Variants in ARHGAP24 observed in about 807,000 individuals in gnomAD.
ARHGAP24 encodes Rho GTPase activating protein 24, also known as rho GTPase-activating protein 24.
A neutral mutation model predicts 76.4 loss-of-function variants in ARHGAP24; 50 were observed. The ratio of observed to expected loss-of-function variants is 0.65; its 90% CI spans 0.52 to 0.83. The LOEUF (loss-of-function observed/expected upper bound fraction) is 0.83. ARHGAP24 is among the 40% of genes least tolerant of loss of function. ARHGAP24 has a pLI of 0.00. For missense variants in ARHGAP24, 930 were observed against 914.2 expected, an observed-to-expected ratio of 1.02 and a Z score of -0.22; for synonymous variants, 345 against 323.3, an observed-to-expected ratio of 1.07 and a Z score of -0.72.
At chr4:85,502,686 C>T (rs1723869910) in intron 1 of ARHGAP24, among the ~76,000 whole-genome samples, 1 of 152,154 alleles carries the variant, frequency 6.6e-6, no homozygotes, top group African/African-American at 2.4e-5. Context: ...TTGACTTCCT[C>T]TTTTCCTAAT....
chr4:85,813,818 T>TTATATATATATATATATATA (rs35261368), intron 3 of ARHGAP24, among the ~76,000 whole-genome samples: 32 of 137,138 alleles, frequency 2.3e-4, no homozygotes, highest in African/African-American at 8.6e-4. Context: ...TATATTTATT[T>TTATATATATATATATATATA]TATATATATA....
chr4:85,593,509 T>C (rs974164855), intron 2 of ARHGAP24, among the ~76,000 whole-genome samples: 1 of 152,184 alleles, frequency 6.6e-6, no homozygotes, highest in South Asian at 2.1e-4. Flanking sequence ...CCTTGTGGGA[T>C]ACTACTCAAG....
At chr4:85,886,519 C>T (rs1733576907) in intron 3 of ARHGAP24, among the ~76,000 whole-genome samples, 1 of 152,030 alleles carries the variant, frequency 6.6e-6, no homozygotes, top group African/African-American at 2.4e-5. Flanking sequence ...ATGGAATCAC[C>T]ACTAAAATAA....
intron 2 of ARHGAP24, among the ~76,000 whole-genome samples, chr4:85,685,619 C>T (rs184796326): frequency 2.4e-5 from 3 of 125,942 alleles, no homozygotes; most frequent in African/African-American, 8.3e-5. Flanking sequence ...GGCGACAGAG[C>T]GAGACTCTGT....
At chr4:85,558,460 A>T (rs1453547479) in intron 1 of ARHGAP24, among the ~76,000 whole-genome samples, 1 of 152,200 alleles carries the variant, frequency 6.6e-6, no homozygotes, top group Non-Finnish European at 1.5e-5. Context: ...AATATGTTCA[A>T]ATTATATGTG....
intron 5 of ARHGAP24, among the ~76,000 whole-genome samples, chr4:85,966,070 T>A (rs1045191020): frequency 6.6e-6 from 1 of 152,146 alleles, no homozygotes; most frequent in Non-Finnish European, 1.5e-5. Flanking sequence ...ATGGTTGTGC[T>A]CTGGTGAAGG....
chr4:85,568,504 A>T, intron 1 of ARHGAP24, among the ~76,000 whole-genome samples: 1 of 152,138 alleles, frequency 6.6e-6, no homozygotes, highest in Non-Finnish European at 1.5e-5. Flanking sequence ...TTATTATCTA[A>T]ATTACCTTAC....
At chr4:85,831,043 A>ATGGGTGGGTGATAT (rs1729970698) in intron 3 of ARHGAP24, among the ~76,000 whole-genome samples, 1 of 152,228 alleles carries the variant, frequency 6.6e-6, no homozygotes, top group Non-Finnish European at 1.5e-5. Flanking sequence ...GGTACCCACT[A>ATGGGTGGGTGATAT]AAGTCATTAT....
chr4:85,854,147 AAAAAAAAAG>A (rs1373217281), intron 3 of ARHGAP24, among the ~76,000 whole-genome samples: 1 of 151,062 alleles, frequency 6.6e-6, no homozygotes, highest in Non-Finnish European at 1.5e-5. Context: ...AAAAAAAAAA[AAAAAAAAAG>A]AAAAAAAAGG....
At chr4:85,958,122 A>T (rs1243149826) in intron 5 of ARHGAP24, among the ~76,000 whole-genome samples, 1 of 152,212 alleles carries the variant, frequency 6.6e-6, no homozygotes, top group Non-Finnish European at 1.5e-5. Context: ...GGCTTCCATG[A>T]CAGAAAAATG....
At chr4:85,582,463 TG>T (rs1727654619) in intron 2 of ARHGAP24, among the ~76,000 whole-genome samples, 1 of 152,264 alleles carries the variant, frequency 6.6e-6, no homozygotes, top group African/African-American at 2.4e-5. Flanking sequence ...ACAATCAGAC[TG>T]CTCCCTTTAA....
intron 5 of ARHGAP24, among the ~76,000 whole-genome samples, chr4:85,969,495 T>A (rs1399847141): frequency 6.6e-6 from 1 of 152,066 alleles, no homozygotes; most frequent in Non-Finnish European, 1.5e-5. Flanking sequence ...ATTTTTATAT[T>A]CTTTTCTTTC....
At chr4:85,816,564 G>C (rs879889607) in intron 3 of ARHGAP24, among the ~76,000 whole-genome samples, 1 of 151,994 alleles carries the variant, frequency 6.6e-6, no homozygotes, top group Non-Finnish European at 1.5e-5. Flanking sequence ...ATTTTACCTA[G>C]TTTCTATTCC....
At chr4:85,751,618 T>C (rs983303253) in intron 3 of ARHGAP24, among the ~76,000 whole-genome samples, 16 of 152,248 alleles carry the variant, frequency 1.1e-4, no homozygotes, top group African/African-American at 2.9e-4. Flanking sequence ...ATGTCTTGGA[T>C]GCTAAGCTCT....
intron 3 of ARHGAP24, among the ~76,000 whole-genome samples, chr4:85,773,245 T>TTA (rs747728294): frequency 4.6e-5 from 7 of 152,180 alleles, no homozygotes; most frequent in Non-Finnish European, 1.0e-4. Flanking sequence ...TCATAGTCCT[T>TTA]TAGACGACCT....
chr4:85,926,460 G>C (rs992348535), intron 4 of ARHGAP24, among the ~76,000 whole-genome samples: 3 of 152,156 alleles, frequency 2.0e-5, no homozygotes, highest in African/African-American at 7.2e-5. Flanking sequence ...AAAGTTAATA[G>C]AGCACACAAA....
intron 2 of ARHGAP24, among the ~76,000 whole-genome samples, chr4:85,595,078 G>A (rs922741768): frequency 4.6e-5 from 7 of 151,672 alleles, no homozygotes; most frequent in African/African-American, 1.7e-4. Context: ...TTTCTCCCAG[G>A]CTTGGATAAA....
At chr4:85,578,957 A>G (rs1028315409) in intron 2 of ARHGAP24, among the ~76,000 whole-genome samples, 2 of 152,194 alleles carry the variant, frequency 1.3e-5, no homozygotes, top group Non-Finnish European at 2.9e-5. Context: ...CTTGTCACCT[A>G]TGCTGTCAAA....
At chr4:85,939,156 T>A (rs1334182471) in intron 4 of ARHGAP24, among the ~76,000 whole-genome samples, 1 of 152,114 alleles carries the variant, frequency 6.6e-6, no homozygotes, top group African/African-American at 2.4e-5. Flanking sequence ...ATGTTATGAG[T>A]TTTAAATGTG....
Sources: gnomAD v4.1 joint callset for allele counts (sites outside exome capture counted in the v4.1 genomes callset) on GRCh38, gnomAD v4.1.1 for gene constraint, MANE v1.5 for transcripts, NCBI Gene and HGNC (gene_info 2026-07-23, HGNC 2026-07-21) for gene names.